The following ADAMTS18 variants were observed in gnomAD, a reference collection of about 807,000 sequenced individuals.
ADAMTS18 encodes the protein A disintegrin and metalloproteinase with thrombospondin motifs 18.
A neutral mutation model predicts 165.9 loss-of-function variants in ADAMTS18; 157 were observed. The ratio of observed to expected loss-of-function variants is 0.95; its 90% CI spans 0.83 to 1.08. ADAMTS18 has a LOEUF of 1.08. ADAMTS18 is among the 50% of genes least tolerant of loss of function. The pLI is 0.00. For synonymous variants in ADAMTS18, 782 were observed against 578.2 expected, an observed-to-expected ratio of 1.35 and a Z score of -5.06; for missense variants, 2,040 against 1,534.0, an observed-to-expected ratio of 1.33 and a Z score of -5.51.
chr16:77,410,037 A>G (rs141498849), intron 3 of ADAMTS18, among the ~76,000 whole-genome samples: 47 of 152,292 alleles, frequency 3.1e-4, no homozygotes, highest in African/African-American at 1.1e-3. Flanking sequence ...TTGATGCTCT[A>G]TAATAGTGTC....
chr16:77,409,688 CA>C (rs1029687607), intron 3 of ADAMTS18, among the ~76,000 whole-genome samples: 1 of 152,102 alleles, frequency 6.6e-6, no homozygotes, highest in Non-Finnish European at 1.5e-5. Context: ...CTTCATCAAA[CA>C]AGCCTTGTCT....
At chr16:77,401,665 T>A (rs985989189) in intron 3 of ADAMTS18, among the ~76,000 whole-genome samples, 1 of 152,166 alleles carries the variant, frequency 6.6e-6, no homozygotes, top group Non-Finnish European at 1.5e-5. Flanking sequence ...TCTGGGTGTG[T>A]CTATGAGGGC....
Position 77,356,026 on chromosome 16 carries a change from G to C in ADAMTS18, c.1374C>G (p.Gly458=), listed in dbSNP as rs1357863057. 3.7e-6 allele frequency: 6 copies of C among 1,613,946 alleles called. No homozygotes were observed. The highest frequency in any genetic ancestry group is 5.1e-6 in the Non-Finnish European group (6 of 1,179,970). The part of the protein sequence containing the change: ...GEGNPCRKAE[G]NIMSPTLTGN... ...CGGTCAGTGTGGGAGACATGATATT[G>C]CCTTCAGCCTTTCTGCAGGGATTCC... Residue 458 remains glycine (G), a synonymous_variant, in exon 9 of 23, where the codon GGC becomes GGG. Coordinates refer to ENST00000282849, the MANE Select transcript of ADAMTS18 (RefSeq NM_199355.4).
At chr16:77,336,051 C>T (rs2056305770) in intron 11 of ADAMTS18, 147 bp from the exon 12 acceptor site, 4 of 962,250 alleles carry the variant, frequency 4.2e-6, no homozygotes, top group South Asian at 1.3e-5. Context: ...CTCTGCTGTG[C>T]TCTAAAAACA....
intron 8 of ADAMTS18, among the ~76,000 whole-genome samples, 175 bp downstream of exon 8, chr16:77,359,143 T>C (rs1264858960): frequency 6.6e-6 from 1 of 152,208 alleles, no homozygotes; most frequent in Non-Finnish European, 1.5e-5. Flanking sequence ...TTAAAGAGAA[T>C]GAAATCAACA....
At chr16:77,366,542 G>C (rs1331987685) in intron 4 of ADAMTS18, among the ~76,000 whole-genome samples, 1 of 152,190 alleles carries the variant, frequency 6.6e-6, no homozygotes. Context: ...CTGGGCGAAA[G>C]AGTGAAACTG....
Position 77,291,497 on chromosome 16 carries a change from T to G in ADAMTS18, c.3190-19A>C, listed in dbSNP as rs563542787. The G allele has an allele frequency of 7.4e-6, 12 of 1,612,204 alleles. No individual in the cohort carries two copies. In the South Asian group the frequency reaches 1.1e-4, roughly 15 times the overall value. On this transcript the variant is annotated intron_variant, in intron 20 of 22. Transcript: ENST00000282849. ...CAGAACACTAGGAGCCAAGACAGGATGTGTAAAAGTGAAGACTGCCAGGAT... is the reference window on the plus strand; with the variant it reads ...CAGAACACTAGGAGCCAAGACAGGAGGTGTAAAAGTGAAGACTGCCAGGAT...
intron 3 of ADAMTS18, among the ~76,000 whole-genome samples, chr16:77,417,222 G>C (rs952698564): frequency 6.6e-6 from 1 of 152,094 alleles, no homozygotes; most frequent in Non-Finnish European, 1.5e-5. Flanking sequence ...ACATACAGTA[G>C]GCTGAGAAAA....
intron 3 of ADAMTS18, among the ~76,000 whole-genome samples, chr16:77,382,529 GACAGA>G (rs2057046585): frequency 6.6e-6 from 1 of 152,124 alleles, no homozygotes; most frequent in African/African-American, 2.4e-5. Context: ...CAGTTAAAAG[GACAGA>G]TACTGAAGCT....
At chr16:77,358,928 A>G (rs1170156382) in intron 8 of ADAMTS18, among the ~76,000 whole-genome samples, 1 of 152,230 alleles carries the variant, frequency 6.6e-6, no homozygotes, top group Non-Finnish European at 1.5e-5. Context: ...TATTCAGTAC[A>G]TGCAGCAAAA....
chr16:77,312,516 G>A (rs2055802334), intron 16 of ADAMTS18, among the ~76,000 whole-genome samples: 1 of 152,180 alleles, frequency 6.6e-6, no homozygotes, highest in Non-Finnish European at 1.5e-5. Flanking sequence ...GGGATTGCAG[G>A]CGTGAGCCAC....
In ADAMTS18 at chr16:77,295,061, G is replaced by C. The variant is rs146728933; in HGVS notation, c.2868C>G (p.Ile956Met). ...GGAAGGGCTTCTTTTGCACACACTG[G>C]ATCTTTCGGCTCTGCTGGCCTCCAG... Reference protein sequence around the residue: ...ACAGGQQSRKIQCVQKKPFQK... With the variant: ...ACAGGQQSRKMQCVQKKPFQK... The change falls in exon 19 of 23, where the codon ATC becomes ATG. Residue 956 changes from isoleucine (I) to methionine (M), a missense_variant. Physicochemically the swap from Ile to Met is conservative, Grantham distance 10. Transcript: ENST00000282849. 596 of 1,614,124 alleles carry C rather than the reference G, an allele frequency of 3.7e-4. 3 individuals are homozygous for C. In the African/African-American group the frequency reaches 7.2e-3, roughly 19 times the overall value.
At chr16:77,319,337 C>G (rs1290544466) in intron 16 of ADAMTS18, among the ~76,000 whole-genome samples, 1 of 152,186 alleles carries the variant, frequency 6.6e-6, no homozygotes, top group East Asian at 1.9e-4. Flanking sequence ...ATATGAAAAT[C>G]AACCCATTCT....
At chr16:77,394,758 G>T (rs1006168912) in intron 3 of ADAMTS18, among the ~76,000 whole-genome samples, 1 of 152,094 alleles carries the variant, frequency 6.6e-6, no homozygotes, top group African/African-American at 2.4e-5. Flanking sequence ...TCTACAACCC[G>T]ATAATAAACT....
Position 77,357,991 on chromosome 16 carries a change from A to C in ADAMTS18, c.1322+1327T>G, listed in dbSNP as rs544469786. Among the ~76,000 whole-genome samples, 42 of 152,356 alleles carry C rather than the reference A, an allele frequency of 2.8e-4. 1 individual carries two copies. Among genetic ancestry groups the C allele is most frequent in the African/African-American group, 9.9e-4 (41 of 41,592 alleles). ...AAATTTTTCAATGACCAGTATTTTG[A>C]AAAGTGACACCTGTTCGGTTGGACT... On this transcript the variant is annotated intron_variant, in intron 8 of 22. Coordinates refer to ENST00000282849, the MANE Select transcript of ADAMTS18 (RefSeq NM_199355.4).
At chr16:77,410,621 A>C (rs1360295809) in intron 3 of ADAMTS18, among the ~76,000 whole-genome samples, 1 of 152,224 alleles carries the variant, frequency 6.6e-6, no homozygotes, top group Non-Finnish European at 1.5e-5. Context: ...TCCTGGGACT[A>C]AAACCAAGTC....
chr16:77,377,290 C>T (rs6564438), intron 3 of ADAMTS18, among the ~76,000 whole-genome samples: 57,048 of 152,008 alleles, frequency 0.38, 11,530 homozygotes, highest in East Asian at 0.83. Context: ...CTGACAAATT[C>T]AGTGTTAGGA....
rs544194271 is a variant in ADAMTS18, at chr16:77,394,861, T to C, written c.496-27138A>G. Among the ~76,000 whole-genome samples the C allele has an allele frequency of 3.3e-5, 5 of 152,298 alleles. No individual in the cohort carries two copies. In the East Asian group the frequency reaches 7.7e-4, roughly 24 times the overall value. On this transcript the variant is annotated intron_variant, in intron 3 of 22. Coordinates refer to ENST00000282849, the MANE Select transcript of ADAMTS18 (RefSeq NM_199355.4). Reference sequence around the variant, plus strand: ...TCCGTGTTTTTACAAGCTCCATGGGTGAGCCAACTGGGCCATCCTCACTCT... The same window carrying C: ...TCCGTGTTTTTACAAGCTCCATGGGCGAGCCAACTGGGCCATCCTCACTCT...
intron 3 of ADAMTS18, among the ~76,000 whole-genome samples, chr16:77,390,049 A>T (rs2057164714): frequency 6.6e-6 from 1 of 152,176 alleles, no homozygotes. Flanking sequence ...AAGGACTTTG[A>T]GCTTTACCCT....
Sources: gnomAD v4.1 joint callset for allele counts (sites outside exome capture counted in the v4.1 genomes callset) on GRCh38, gnomAD v4.1.1 for gene constraint, MANE v1.5 for transcripts, NCBI Gene and HGNC (gene_info 2026-07-23, HGNC 2026-07-21) for gene names.